The following POLA1 variants were observed in gnomAD, a reference collection of about 807,000 sequenced individuals.
POLA1 encodes the protein DNA polymerase alpha 1, catalytic subunit.
Under a neutral mutation model 124.0 loss-of-function variants are expected in POLA1, and 15 were observed. That is an observed-to-expected ratio of 0.12 (90% confidence interval 0.08 to 0.19). The LOEUF is 0.19. Among genes scored for constraint, POLA1 ranks in the 10% least tolerant of loss-of-function variants. The probability of loss-of-function intolerance (pLI) is 1.00; values close to 1 mark genes in which losing one functional copy is unlikely to be tolerated. For synonymous variants in POLA1, 408 were observed against 389.4 expected, an observed-to-expected ratio of 1.05 and a Z score of -0.56; for missense variants, 886 against 1,103.4, an observed-to-expected ratio of 0.80 and a Z score of 2.79.
chrX:24,793,277 C>CAAAAAA (rs144419886), intron 26 of POLA1, among the ~76,000 whole-genome samples: 1 of 26,036 alleles, frequency 3.8e-5, no homozygotes, highest in African/African-American at 1.8e-4. Flanking sequence ...GACTCCCTCT[C>CAAAAAA]AAAAAAAAAA....
chrX:24,759,411 C>A (rs1177515204), intron 26 of POLA1, among the ~76,000 whole-genome samples: 2 of 111,854 alleles, frequency 1.8e-5, no homozygotes, highest in Non-Finnish European at 3.8e-5. Context: ...CTACCTAGCC[C>A]CTAAGCCCTG....
At chrX:24,994,355 C>CT (rs1193980560) in intron 36 of POLA1, among the ~76,000 whole-genome samples, 1 of 112,690 alleles carries the variant, frequency 8.9e-6, no homozygotes, top group African/African-American at 3.2e-5. Context: ...AATCTGGAGT[C>CT]TGAGTTTTCG....
chrX:24,885,664 A>G (rs1001231429), intron 34 of POLA1, among the ~76,000 whole-genome samples: 2 of 111,324 alleles, frequency 1.8e-5, no homozygotes, highest in South Asian at 3.8e-4. Context: ...AGCTGGAACT[A>G]CAGGCATGTG....
chrX:24,886,142 G>C (rs1019099977), intron 34 of POLA1, among the ~76,000 whole-genome samples: 2 of 111,409 alleles, frequency 1.8e-5, no homozygotes, highest in South Asian at 3.8e-4. Context: ...TTGGTACCAC[G>C]CAACTTGGTT....
chrX:24,708,690 A>AC (rs1928997997), intron 4 of POLA1, among the ~76,000 whole-genome samples: 1 of 56,696 alleles, frequency 1.8e-5, no homozygotes, highest in East Asian at 5.7e-4. Flanking sequence ...TTCAGAGAGC[A>AC]CAGGGTTGGG....
At chrX:24,883,053 G>A (rs1200500871) in intron 34 of POLA1, among the ~76,000 whole-genome samples, 1 of 111,664 alleles carries the variant, frequency 9.0e-6, no homozygotes, top group Non-Finnish European at 1.9e-5. Context: ...TCTGACTAGT[G>A]TGAGATGGTA....
At chrX:24,765,190 TGCCTGGAATGCTCCTTCCCAG>T (rs1265874287) in intron 26 of POLA1, among the ~76,000 whole-genome samples, 18 of 111,286 alleles carry the variant, frequency 1.6e-4, no homozygotes, top group African/African-American at 5.9e-4. Context: ...TGGTTTCCTC[TGCCTGGAATGCTCCTTCCCAG>T]GCTTGGTGCA....
chrX:24,952,275 T>C (rs1260333634), intron 36 of POLA1, among the ~76,000 whole-genome samples: 1 of 112,307 alleles, frequency 8.9e-6, no homozygotes, highest in East Asian at 2.8e-4. Flanking sequence ...CTGCCATCCT[T>C]TTGTATTTCT....
intron 34 of POLA1, among the ~76,000 whole-genome samples, chrX:24,871,577 TG>T (rs1368078358): frequency 1.8e-5 from 2 of 111,250 alleles, no homozygotes; most frequent in African/African-American, 6.6e-5. Context: ...TGAAGGCTTA[TG>T]GGGAACCTTA....
intron 20 of POLA1, among the ~76,000 whole-genome samples, chrX:24,741,146 T>TGC (rs149057918): frequency 6.3e-4 from 62 of 97,840 alleles, no homozygotes; most frequent in African/African-American, 1.9e-3. Context: ...TGTGTGTGTG[T>TGC]GCGCGCGTGT....
intron 26 of POLA1, among the ~76,000 whole-genome samples, chrX:24,771,886 A>G (rs2045044616): frequency 8.9e-6 from 1 of 112,007 alleles, no homozygotes; most frequent in African/African-American, 3.2e-5. Flanking sequence ...TGTTCATTGT[A>G]GCACACTTAG....
chrX:24,802,867 G>A (rs1355347692), intron 26 of POLA1, among the ~76,000 whole-genome samples: 3 of 111,184 alleles, frequency 2.7e-5, no homozygotes, highest in Non-Finnish European at 3.8e-5. Context: ...GCGTGGTGGC[G>A]CCTGCCTGTA....
intron 34 of POLA1, among the ~76,000 whole-genome samples, chrX:24,871,218 TA>T (rs1440106182): frequency 8.9e-6 from 1 of 112,502 alleles, no homozygotes; most frequent in African/African-American, 3.2e-5. Context: ...CTTATTTGTA[TA>T]AATACATGCC....
intron 36 of POLA1, among the ~76,000 whole-genome samples, chrX:24,962,728 C>T (rs1188875040): frequency 8.9e-6 from 1 of 111,790 alleles, no homozygotes; most frequent in Non-Finnish European, 1.9e-5. Flanking sequence ...TAATATGCTG[C>T]AGATTCATAG....
chrX:24,962,206 C>T (rs924521396), intron 36 of POLA1, among the ~76,000 whole-genome samples: 25 of 110,917 alleles, frequency 2.3e-4, no homozygotes, highest in African/African-American at 7.9e-4. Flanking sequence ...AACTGGTAAA[C>T]GAGGAGAAAC....
intron 26 of POLA1, among the ~76,000 whole-genome samples, chrX:24,768,928 T>G (rs73469872): frequency 0.045 from 5,071 of 112,032 alleles, 281 homozygotes; most frequent in African/African-American, 0.16. Context: ...TATCTATCTT[T>G]GTGTCCTGTC....
chrX:24,861,323 G>A (rs1674954073), intron 34 of POLA1, among the ~76,000 whole-genome samples: 1 of 111,816 alleles, frequency 8.9e-6, no homozygotes, highest in Non-Finnish European at 1.9e-5. Context: ...GTAGAGATGG[G>A]CTTTCGCCAT....
At chrX:24,820,160 A>C (rs1411444364) in intron 30 of POLA1, among the ~76,000 whole-genome samples, 1 of 111,694 alleles carries the variant, frequency 9.0e-6, no homozygotes, top group African/African-American at 3.3e-5. Flanking sequence ...TTTTTTTTTA[A>C]CTATGCATGG....
At chrX:24,874,722 A>G (rs1164730938) in intron 34 of POLA1, among the ~76,000 whole-genome samples, 2 of 111,502 alleles carry the variant, frequency 1.8e-5, no homozygotes, top group Non-Finnish European at 3.8e-5. Flanking sequence ...TGAGGTCCCA[A>G]ACCAGCAGCG....
Sources: gnomAD v4.1 joint callset for allele counts (sites outside exome capture counted in the v4.1 genomes callset) on GRCh38, gnomAD v4.1.1 for gene constraint, MANE v1.5 for transcripts, NCBI Gene and HGNC (gene_info 2026-07-23, HGNC 2026-07-21) for gene names.